The following SVIP variants were observed in gnomAD, a reference collection of about 807,000 sequenced individuals.
SVIP encodes the protein small VCP interacting protein, also known as small VCP/p97-interacting protein.
A neutral mutation model predicts 12.9 loss-of-function variants in SVIP; 14 were observed. The observed-to-expected ratio is 1.08, with a 90% confidence interval of 0.72 to 1.70. The LOEUF (loss-of-function observed/expected upper bound fraction) is 1.70. SVIP is among the 40% of genes most tolerant of loss of function. The probability of loss-of-function intolerance (pLI) is 0.00; values close to 1 mark genes in which losing one functional copy is unlikely to be tolerated. For synonymous variants in SVIP, 35 were observed against 33.3 expected, an observed-to-expected ratio of 1.05 and a Z score of -0.17; for missense variants, 93 against 90.8, an observed-to-expected ratio of 1.02 and a Z score of -0.10.
rs1364986513 is a variant in SVIP, at chr11:22,819,009, G to A, written c.*4110C>T. The A allele has an allele frequency of 6.6e-6, 1 of 151,994 alleles. No individual in the cohort carries two copies. The highest frequency in any genetic ancestry group is 1.5e-5 in the Non-Finnish European group (1 of 67,976). 9.4% of individuals were successfully genotyped at this position (151,994 alleles called of 1,614,324 possible). A position where few individuals can be genotyped will look rare whatever the true frequency, so the allele number is the denominator to read the frequency against. On this transcript the variant is annotated 3_prime_UTR_variant, in exon 4 of 4. Coordinates refer to ENST00000354193, the MANE Select transcript of SVIP (RefSeq NM_148893.3). ...ATTTTTCCTAAATATTTTATTTGTT[G>A]ATATTGTAATTTAAATTTTCCCACT... is the stretch of plus-strand genomic sequence containing the variant.
chr11:22,829,789 G>C lies in SVIP; in HGVS notation c.-41C>G. 1.9e-6 allele frequency: 3 copies of C among 1,565,062 alleles called. No individual in the cohort carries two copies. Among genetic ancestry groups the C allele is most frequent in the Non-Finnish European group, 2.6e-6 (3 of 1,153,920 alleles). On this transcript the variant is annotated 5_prime_UTR_variant, in exon 1 of 4. Coordinates refer to ENST00000354193, the MANE Select transcript of SVIP (RefSeq NM_148893.3). ...AGAACCCTGACCGGGTCCGGCCCAG[G>C]CCAGGCGGCGCTAACTGCGCGGTCC...
At chr11:22,823,223 A>T in intron 3 of SVIP, 90 bp from the exon 4 acceptor site, 1 of 904,002 alleles carries the variant, frequency 1.1e-6, no homozygotes, top group Non-Finnish European at 1.7e-6. Context: ...AAAGAGGAAT[A>T]TGGGACATAG....
chr11:22,823,172 C>G, intron 3 of SVIP, 39 bp from the exon 4 acceptor site: 3 of 1,500,600 alleles, frequency 2.0e-6, no homozygotes, highest in Non-Finnish European at 2.7e-6. Flanking sequence ...GTAAATTTTA[C>G]TTGAAGTTAT....
At chr11:22,824,057 A>T (rs148743663) in intron 3 of SVIP, among the ~76,000 whole-genome samples, 1 of 152,144 alleles carries the variant, frequency 6.6e-6, no homozygotes, top group South Asian at 2.1e-4. Flanking sequence ...CAAATGTTAC[A>T]TGCATGAGTA....
intron 3 of SVIP, among the ~76,000 whole-genome samples, chr11:22,824,461 CACATATATATACGT>C (rs1857608872): frequency 2.3e-5 from 1 of 44,188 alleles, no homozygotes; most frequent in South Asian, 5.7e-4. Flanking sequence ...TATATATATA[CACATATATATACGT>C]ATATATATAT....
At chr11:22,826,695 C>T (rs967392412) in intron 3 of SVIP, among the ~76,000 whole-genome samples, 1 of 152,102 alleles carries the variant, frequency 6.6e-6, no homozygotes, top group Non-Finnish European at 1.5e-5. Flanking sequence ...GATACCCACA[C>T]CTGTATACAT....
Position 22,820,104 on chromosome 11 carries a change from TAGTTA to T in SVIP, c.*3010_*3014del, listed in dbSNP as rs1481349557. On this transcript the variant is annotated 3_prime_UTR_variant, in exon 4 of 4. Transcript: ENST00000354193. ...TTGAATTAGCTTAGAGCATGTTTAG[TAGTTA>T]AGAGAATTTGAAATGCTTGCTTGGA... 1.3e-5 allele frequency: 2 copies of T among 152,218 alleles called. No homozygotes were observed. Among genetic ancestry groups the T allele is most frequent in the Admixed American group, 1.3e-4 (2 of 15,280 alleles). 9.4% of individuals were successfully genotyped at this position (152,218 alleles called of 1,614,324 possible). A position where few individuals can be genotyped will look rare whatever the true frequency, so the allele number is the denominator to read the frequency against.
chr11:22,820,216 A>G lies in SVIP; in HGVS notation c.*2903T>C, dbSNP rs1165382941. 5 of 152,252 alleles carry G rather than the reference A, an allele frequency of 3.3e-5. No homozygotes were observed. The highest frequency in any genetic ancestry group is 7.3e-5 in the Non-Finnish European group (5 of 68,046). 9.4% of individuals were successfully genotyped at this position (152,252 alleles called of 1,614,324 possible). A position where few individuals can be genotyped will look rare whatever the true frequency, so the allele number is the denominator to read the frequency against. On this transcript the variant is annotated 3_prime_UTR_variant, in exon 4 of 4. Transcript: ENST00000354193. ...CCTCTTACTGGTCTATTCATGCAGA[A>G]ATTATTCAAAACTGGCAAGAGCTGC...
intron 3 of SVIP, among the ~76,000 whole-genome samples, chr11:22,823,699 T>G (rs1857563471): frequency 6.6e-6 from 1 of 152,160 alleles, no homozygotes; most frequent in South Asian, 2.1e-4. Context: ...CTGTAAGTAA[T>G]AAACTCACTC....
rs745868442 is a variant in SVIP, at chr11:22,823,074, T to C, written c.*45A>G. ...TTGATGAAGCCCACTTGATTGCAGA[T>C]AATAAACAGTTATTGGCAGTAGATT... On this transcript the variant is annotated 3_prime_UTR_variant, in exon 4 of 4. Transcript: ENST00000354193. 1.4e-5 allele frequency: 21 copies of C among 1,518,172 alleles called. 1 individual carries two copies. The Admixed American group carries it at 4.3e-4, about 31-fold the overall frequency. The allele number at this position is 1,518,172 out of a possible 1,614,324, so 94.0% of individuals were successfully genotyped here. A position where few individuals can be genotyped will look rare whatever the true frequency, so the allele number is the denominator to read the frequency against.
Position 22,821,136 on chromosome 11 carries a change from TTATA to T in SVIP, c.*1979_*1982del. ...TATACACACATATATAATATATATATTATATATATATATAATTTTTTAGTCATGT... is the reference window on the plus strand; with the variant it reads ...TATACACACATATATAATATATATATTATATATATAATTTTTTAGTCATGT... On this transcript the variant is annotated 3_prime_UTR_variant, in exon 4 of 4. Coordinates refer to ENST00000354193, the MANE Select transcript of SVIP (RefSeq NM_148893.3). 7.0e-6 allele frequency: 1 copy of T among 143,730 alleles called. No homozygotes were observed. The highest frequency in any genetic ancestry group is 2.1e-4 in the East Asian group (1 of 4,740). The allele number at this position is 143,730 out of a possible 1,614,324, so 8.9% of individuals were successfully genotyped here.
At position 22,821,201 on chromosome 11, in the gene SVIP, G is replaced by T. The variant is rs1215529674; in HGVS notation, c.*1918C>A. On this transcript the variant is annotated 3_prime_UTR_variant, in exon 4 of 4. Transcript: ENST00000354193. ...TTGCTTTTTTTTTTAGTCATTTACC[G>T]GTTTCTCATAAGACATCCAGTCACT... The T allele has an allele frequency of 6.8e-6, 1 of 147,454 alleles. No individual in the cohort carries two copies. Among genetic ancestry groups the T allele is most frequent in the Non-Finnish European group, 1.5e-5 (1 of 67,120 alleles). 9.1% of individuals were successfully genotyped at this position (147,454 alleles called of 1,614,324 possible). A position where few individuals can be genotyped will look rare whatever the true frequency, so the allele number is the denominator to read the frequency against.
In SVIP at chr11:22,829,781, C is replaced by G; in HGVS notation, c.-33G>C. 6.3e-7 allele frequency: 1 copy of G among 1,582,016 alleles called. No individual in the cohort carries two copies. Among genetic ancestry groups the G allele is most frequent in the Non-Finnish European group, 8.6e-7 (1 of 1,164,826 alleles). On this transcript the variant is annotated 5_prime_UTR_variant, in exon 1 of 4. Transcript: ENST00000354193. ...ACAGCTTGAGAACCCTGACCGGGTC[C>G]GGCCCAGGCCAGGCGGCGCTAACTG...
At position 22,829,765 on chromosome 11, in the gene SVIP, G is replaced by A. The variant is rs1857892059; in HGVS notation, c.-17C>T. 1.2e-6 allele frequency: 2 copies of A among 1,601,804 alleles called. No homozygotes were observed. Among genetic ancestry groups the A allele is most frequent in the Non-Finnish European group, 1.7e-6 (2 of 1,175,106 alleles). The stretch of plus-strand genomic sequence containing the variant: ...CAGCCCCATAGGGACGACAGCTTGA[G>A]AACCCTGACCGGGTCCGGCCCAGGC... On this transcript the variant is annotated 5_prime_UTR_variant, in exon 1 of 4. Coordinates refer to ENST00000354193, the MANE Select transcript of SVIP (RefSeq NM_148893.3).
At chr11:22,825,223 C>G (rs1857650235) in intron 3 of SVIP, among the ~76,000 whole-genome samples, 1 of 152,064 alleles carries the variant, frequency 6.6e-6, no homozygotes, top group Admixed American at 6.5e-5. Flanking sequence ...GCCCATGAAA[C>G]AAGCCAGACA....
In SVIP at chr11:22,819,948, A is replaced by G. The variant is rs978775704; in HGVS notation, c.*3171T>C. On this transcript the variant is annotated 3_prime_UTR_variant, in exon 4 of 4. Transcript: ENST00000354193. ...GAAGAGGGAGACTAGAACAATAAAA[A>G]GCCATATCAAATGGGAAACTTAGTG... 6.6e-6 allele frequency: 1 copy of G among 152,262 alleles called. No individual in the cohort carries two copies. Among genetic ancestry groups the G allele is most frequent in the African/African-American group, 2.4e-5 (1 of 41,476 alleles). The allele number at this position is 152,262 out of a possible 1,614,324, so 9.4% of individuals were successfully genotyped here.
chr11:22,829,290 C>T (rs930216965), intron 1 of SVIP: 4 of 172,324 alleles, frequency 2.3e-5, no homozygotes, highest in Non-Finnish European at 3.7e-5. Context: ...CAGTTGAAAA[C>T]GCACATCTCC....
intron 1 of SVIP, among the ~76,000 whole-genome samples, chr11:22,828,092 A>G (rs983863211): frequency 6.6e-6 from 1 of 152,228 alleles, no homozygotes; most frequent in Non-Finnish European, 1.5e-5. Context: ...AGGTTTACCT[A>G]TATAATCATT....
chr11:22,829,396 C>T (rs1457364034), intron 1 of SVIP: 1 of 336,318 alleles, frequency 3.0e-6, no homozygotes, highest in Non-Finnish European at 5.4e-6. Flanking sequence ...ACGCCCTCTG[C>T]GTGCGCCGGC....
Sources: gnomAD v4.1 joint callset for allele counts (sites outside exome capture counted in the v4.1 genomes callset) on GRCh38, gnomAD v4.1.1 for gene constraint, MANE v1.5 for transcripts, NCBI Gene and HGNC (gene_info 2026-07-23, HGNC 2026-07-21) for gene names.